Variants in ANKRD44 observed in about 807,000 individuals in gnomAD.
ANKRD44 encodes the protein serine/threonine-protein phosphatase 6 regulatory ankyrin repeat subunit B.
Under a neutral mutation model 116.0 loss-of-function variants are expected in ANKRD44, and 35 were observed. The ratio of observed to expected loss-of-function variants is 0.30; its 90% CI spans 0.23 to 0.40. ANKRD44 has a LOEUF of 0.40. Among genes scored for constraint, ANKRD44 ranks in the 10% least tolerant of loss-of-function variants. The pLI, the probability that ANKRD44 is intolerant of heterozygous loss-of-function variation, is 1.00. For synonymous variants in ANKRD44, 435 were observed against 461.8 expected (o/e 0.94, Z 0.74); for missense variants, 1,014 against 1,242.6 (o/e 0.82, Z 2.77).
At chr2:197,221,356 T>C (rs3108512) in intron 1 of ANKRD44, among the ~76,000 whole-genome samples, 150,270 of 152,154 alleles carry the variant, frequency 0.99, 74,235 homozygotes, top group East Asian at 1. Flanking sequence ...TAGCTAACTG[T>C]AGCCTCAAAC....
intron 2 of ANKRD44, among the ~76,000 whole-genome samples, chr2:197,183,260 A>G (rs940879600): frequency 6.6e-6 from 1 of 152,134 alleles, no homozygotes; most frequent in African/African-American, 2.4e-5. Context: ...GGGCAGGGAA[A>G]GGTGAAAAAC....
At chr2:197,243,821 G>A (rs937765514) in intron 1 of ANKRD44, among the ~76,000 whole-genome samples, 1 of 152,054 alleles carries the variant, frequency 6.6e-6, no homozygotes, top group Non-Finnish European at 1.5e-5. Flanking sequence ...ACTCCCAAAG[G>A]CTCCACCTCC....
rs144842282 is a variant in ANKRD44 at position 197,278,494 on chromosome 2, C to T, written c.27+32084G>A. 9.0e-3 allele frequency among the ~76,000 whole-genome samples: 1,368 copies of T among 152,120 alleles called. 11 individuals are homozygous for T. The highest frequency in any genetic ancestry group is 0.029 in the African/African-American group (1,219 of 41,504). On this transcript the variant is annotated intron_variant, in intron 1 of 27. Transcript: ENST00000282272. Reference sequence around the variant, plus strand: ...GCCTCAGCCTCCCGAGTAGCTGGGACTACAGGCACGCACCACCACGCCCGG... The same window carrying T: ...GCCTCAGCCTCCCGAGTAGCTGGGATTACAGGCACGCACCACCACGCCCGG...
chr2:197,008,856 G>C, intron 19 of ANKRD44, 88 bp downstream of exon 19: 1 of 1,171,268 alleles, frequency 8.5e-7, no homozygotes, highest in Non-Finnish European at 1.3e-6. Context: ...TCTCGGTTCC[G>C]CAGTCAGCCT....
chr2:197,261,317 C>A (rs560694355), intron 1 of ANKRD44, among the ~76,000 whole-genome samples: 7 of 151,908 alleles, frequency 4.6e-5, no homozygotes, highest in Admixed American at 3.9e-4. Context: ...TTTCCCAGCA[C>A]CATTTATTAA....
At chr2:197,268,453 T>A (rs2082797771) in intron 1 of ANKRD44, among the ~76,000 whole-genome samples, 1 of 152,200 alleles carries the variant, frequency 6.6e-6, no homozygotes, top group African/African-American at 2.4e-5. Context: ...CCAAGCACAA[T>A]GCTGGCATTC....
At chr2:197,074,590 G>A (rs745646530) in intron 16 of ANKRD44, among the ~76,000 whole-genome samples, 25 of 152,074 alleles carry the variant, frequency 1.6e-4, no homozygotes, top group Admixed American at 3.9e-4. Flanking sequence ...TCATGCCTCC[G>A]CCTCCTGAGT....
intron 16 of ANKRD44, among the ~76,000 whole-genome samples, chr2:197,045,886 G>C (rs913857769): frequency 3.3e-5 from 5 of 152,058 alleles, no homozygotes; most frequent in African/African-American, 1.2e-4. Context: ...ATTGTAAACT[G>C]TCTTTAAAAT....
At chr2:196,977,913 C>T (rs2075771828) in intron 21 of ANKRD44, among the ~76,000 whole-genome samples, 2 of 152,070 alleles carry the variant, frequency 1.3e-5, no homozygotes, top group South Asian at 4.1e-4. Context: ...ATGTTTATAG[C>T]AGAGTTATTC....
chr2:197,288,615 TGTGATATATATATATACACATACACAC>T (rs2083472392), intron 1 of ANKRD44, among the ~76,000 whole-genome samples: 1 of 87,852 alleles, frequency 1.1e-5, no homozygotes, highest in Non-Finnish European at 2.3e-5. Context: ...ATAAAGAAAA[TGTGATATATATATATACACATACACAC>T]GTGATATATA....
In ANKRD44 at chr2:197,121,528, A is replaced by T; in HGVS notation, c.710T>A (p.Val237Asp). The T allele has an allele frequency of 3.7e-6, 6 of 1,614,124 alleles. No homozygotes were observed. The highest frequency in any genetic ancestry group is 5.1e-6 in the Non-Finnish European group (6 of 1,180,010). ...NLGVEIDEIN[V>D]YGNTALHIAC... ...GATGTGAAGCGCTGTATTTCCATAG[A>T]CATTGATTTCATCAATCTGCAAAAG... Residue 237 changes from valine (V) to aspartate (D), a missense_variant, in exon 8 of 28, where the codon GTC becomes GAC. Val to Asp is a radical substitution (Grantham distance 152). Transcript: ENST00000282272.
rs183720575 is a variant in ANKRD44, at chr2:197,103,115, T to C, written c.986-3185A>G. ...TGGTGGCAGACACCTGTAGTTCCAG[T>C]TACTTGGGAGGCTGAGGCAGGAGAA... On this transcript the variant is annotated intron_variant, in intron 9 of 27. Transcript: ENST00000282272. Among the ~76,000 whole-genome samples the C allele has an allele frequency of 1.1e-3, 164 of 151,730 alleles. 1 individual carries two copies. Among genetic ancestry groups the C allele is most frequent in the African/African-American group, 3.9e-3 (160 of 41,324 alleles).
chr2:197,151,674 T>G (rs1334556522), intron 2 of ANKRD44, among the ~76,000 whole-genome samples: 2 of 152,244 alleles, frequency 1.3e-5, no homozygotes, highest in East Asian at 3.8e-4. Context: ...TTAGAATCTA[T>G]TATATGCCAG....
intron 16 of ANKRD44, among the ~76,000 whole-genome samples, chr2:197,050,155 G>C (rs953840081): frequency 3.9e-5 from 6 of 152,050 alleles, no homozygotes; most frequent in Non-Finnish European, 8.8e-5. Context: ...AGAGAGAAGG[G>C]GGATAGGCTA....
intron 1 of ANKRD44, among the ~76,000 whole-genome samples, chr2:197,258,693 T>A (rs2082520005): frequency 6.6e-6 from 1 of 152,230 alleles, no homozygotes; most frequent in Non-Finnish European, 1.5e-5. Flanking sequence ...TGCACCATTT[T>A]ACATTCCCAA....
intron 8 of ANKRD44, among the ~76,000 whole-genome samples, chr2:197,112,578 G>A (rs1041434001): frequency 6.6e-5 from 10 of 151,900 alleles, no homozygotes; most frequent in Admixed American, 2.6e-4. Context: ...GTGTGGTGGC[G>A]GGGCCTGTAG....
chr2:197,078,289 CCA>C (rs10581633), intron 16 of ANKRD44: 109,382 of 157,772 alleles, frequency 0.69, 37,473 homozygotes, highest in East Asian at 0.74. Flanking sequence ...CCACTGATTA[CCA>C]CACACACACA....
intron 16 of ANKRD44, among the ~76,000 whole-genome samples, chr2:197,073,992 T>C (rs2077613892): frequency 2.0e-5 from 3 of 150,652 alleles, no homozygotes; most frequent in African/African-American, 7.3e-5. Flanking sequence ...ACAAAAAAAA[T>C]GGAACATCTT....
chr2:197,253,739 T>G (rs764312852), intron 1 of ANKRD44, among the ~76,000 whole-genome samples: 7 of 152,152 alleles, frequency 4.6e-5, no homozygotes, highest in Non-Finnish European at 8.8e-5. Context: ...AAGAGAAAGC[T>G]CTGCAGTTAG....
Sources: allele counts gnomAD v4.1 joint callset (sites outside exome capture counted in the v4.1 genomes callset), GRCh38; gene constraint gnomAD v4.1.1; transcripts MANE v1.5; gene names NCBI Gene and HGNC (gene_info 2026-07-23, HGNC 2026-07-21).